SEC16A: variants seen among roughly 807,000 people sequenced by gnomAD.
SEC16A encodes SEC16 homolog A, endoplasmic reticulum export factor.
SEC16A carries 110 observed loss-of-function variants against 221.9 expected under a neutral mutation model. That is an observed-to-expected ratio of 0.50 (90% CI 0.42 to 0.58). The LOEUF (loss-of-function observed/expected upper bound fraction) is 0.58, where lower values mean the gene tolerates loss of function less well. Ranked by LOEUF, SEC16A falls within the 20% of genes least tolerant of loss-of-function variation. The pLI is 0.00. For synonymous variants in SEC16A, 1,393 were observed against 1,257.7 expected, an observed-to-expected ratio of 1.11 and a Z score of -2.28; for missense variants, 3,165 against 3,097.8, an observed-to-expected ratio of 1.02 and a Z score of -0.52.
chr9:136,477,437 T>G lies in SEC16A; in HGVS notation c.179A>C (p.Gln60Pro). Residue 60 changes from glutamine to proline, a missense_variant, in exon 3 of 32, where the codon CAG becomes CCG. This residue lies in a region of SEC16A where 2,030 missense variants were observed against 1,923.1 expected (regional missense o/e 1.06). Transcript: ENST00000684901. Reference protein sequence around the residue: ...PVTDPFAFSRQALQSTPLGSS... With the variant: ...PVTDPFAFSRPALQSTPLGSS... ...GCCCAGTGGTGTACTTTGGAGCGCC[T>G]GTCTACTAAAAGCAAATGGATCCGT... is the stretch of plus-strand genomic sequence containing the variant. 11 of 1,614,008 alleles carry G rather than the reference T, an allele frequency of 6.8e-6. No homozygotes were observed. The highest frequency in any genetic ancestry group is 8.5e-6 in the Non-Finnish European group (10 of 1,179,890).
intron 19 of SEC16A, 119 bp downstream of exon 19, chr9:136,455,934 T>C (rs1838590909): frequency 2.5e-6 from 3 of 1,182,484 alleles, no homozygotes; most frequent in Admixed American, 2.4e-5. Context: ...TAGGGAATTC[T>C]CATAGGCACA....
At chr9:136,483,792 G>C (rs1033969634), upstream of SEC16A, 1 of 985,374 alleles carries the variant, frequency 1.0e-6, no homozygotes, top group Non-Finnish European at 1.2e-6. Context: ...CTGGAGGGCA[G>C]GCGGCGGCGG....
At chr9:136,464,148 A>T (rs577532077) in intron 9 of SEC16A, among the ~76,000 whole-genome samples, 1 of 152,278 alleles carries the variant, frequency 6.6e-6, no homozygotes, top group Admixed American at 6.5e-5. Context: ...GCACCAATAA[A>T]GCAAACATCC....
intron 1 of SEC16A, among the ~76,000 whole-genome samples, chr9:136,481,989 A>G (rs1589036846): frequency 6.6e-6 from 1 of 152,212 alleles, no homozygotes; most frequent in Admixed American, 6.5e-5. Flanking sequence ...GCAAAAAAAG[A>G]CAAAGAAAAA....
chr9:136,446,463 T>G (rs1480491403), intron 28 of SEC16A, among the ~76,000 whole-genome samples: 3 of 151,892 alleles, frequency 2.0e-5, no homozygotes, highest in Non-Finnish European at 4.4e-5. Flanking sequence ...TTTTTTTTTT[T>G]GGATGAAAAT....
Position 136,453,459 on chromosome 9 carries a change from T to C in SEC16A, c.6128A>G (p.Glu2043Gly). The C allele has an allele frequency of 6.2e-7, 1 of 1,613,340 alleles. No homozygotes were observed. The highest frequency in any genetic ancestry group is 8.5e-7 in the Non-Finnish European group (1 of 1,179,312). ...PVGNSLSELS[E>G]ENFDGKFANL... ...AGCAAATTTTCCATCAAAATTTTCT[T>C]CGCTTAGCTCGGAAAGTGAGTTTCC... is the stretch of plus-strand genomic sequence containing the variant. The change falls in exon 22 of 32, where the codon GAA (glutamate) becomes GGA (glycine). Residue 2043 changes from glutamate (E) to glycine (G), a missense_variant. Physicochemically the swap from Glu to Gly is moderately conservative, Grantham distance 98. This residue lies in a region of SEC16A where 1,088 missense variants were observed against 1,089.6 expected (regional missense o/e 1.00). Transcript: ENST00000684901.
rs545923540 is a variant in SEC16A, at chr9:136,448,061, C to T, written c.6390+23G>A. ...AATCATTACAATTCTTCGGACGTCC[C>T]GTGCGTATTTGACAGCACTCACCGA... On this transcript the variant is annotated intron_variant, in intron 24 of 31. Transcript: ENST00000684901. 1.8e-4 allele frequency: 292 copies of T among 1,598,286 alleles called. 3 individuals are homozygous for T. The South Asian group carries it at 2.9e-3, about 16-fold the overall frequency.
At chr9:136,443,705 A>AT in intron 31 of SEC16A, 118 bp downstream of exon 31, 1 of 701,882 alleles carries the variant, frequency 1.4e-6, no homozygotes, top group Non-Finnish European at 2.5e-6. Flanking sequence ...AAATAAATAT[A>AT]TTTTTTAAAA....
Position 136,477,624 on chromosome 9 carries a change from C to T in SEC16A, c.-9G>A, listed in dbSNP as rs1841823068. ...TGGGGCGGTGGCTGCATGACTGAACCCTTGCACAAGTCGATGCTGCTTACA... is the reference window on the plus strand; with the variant it reads ...TGGGGCGGTGGCTGCATGACTGAACTCTTGCACAAGTCGATGCTGCTTACA... On this transcript the variant is annotated 5_prime_UTR_variant, in exon 3 of 32. Transcript: ENST00000684901. The T allele has an allele frequency of 6.3e-7, 1 of 1,594,262 alleles. No homozygotes were observed. Among genetic ancestry groups the T allele is most frequent in the Non-Finnish European group, 8.5e-7 (1 of 1,169,734 alleles).
In SEC16A at chr9:136,475,079, G is replaced by A; in HGVS notation, c.2537C>T (p.Ser846Phe). 5 of 1,613,828 alleles carry A rather than the reference G, an allele frequency of 3.1e-6. No individual in the cohort carries two copies. Among genetic ancestry groups the A allele is most frequent in the Middle Eastern group, 1.6e-4 (1 of 6,062 alleles). ...SYNLAQPINF[S>F]VSLSNSHEKN... ...CTCATGAGAGTTCGATAAGGACACA[G>A]AAAAGTTAATGGGCTGAGCCAGATT... is the stretch of plus-strand genomic sequence containing the variant. Residue 846 changes from serine to phenylalanine, a missense_variant, in exon 3 of 32, where the codon TCT (serine) becomes TTT (phenylalanine). Ser to Phe is a radical substitution (Grantham distance 155, BLOSUM62 -2). Around this residue, in one of 3 missense-constraint regions of SEC16A, gnomAD observed 2,030 missense variants for 1,923.1 expected, o/e 1.06. Transcript: ENST00000684901. The surrounding 1 kb of genome is among the most constrained non-coding windows in gnomAD (Gnocchi z 5.0).
intron 28 of SEC16A, among the ~76,000 whole-genome samples, 165 bp from the exon 29 acceptor site, chr9:136,445,884 C>T (rs1335339534): frequency 7.2e-5 from 11 of 152,202 alleles, no homozygotes; most frequent in East Asian, 3.8e-4. Flanking sequence ...TGGGTCCAGC[C>T]GCACAACCCT....
intron 1 of SEC16A, among the ~76,000 whole-genome samples, chr9:136,479,330 A>AG (rs1422619099): frequency 6.6e-6 from 1 of 152,166 alleles, no homozygotes; most frequent in Non-Finnish European, 1.5e-5. Flanking sequence ...ATTAAACCAA[A>AG]GGGGAGGACT....
intron 18 of SEC16A, 118 bp from the exon 19 acceptor site, chr9:136,456,284 G>A: frequency 2.9e-6 from 2 of 700,478 alleles, no homozygotes; most frequent in Non-Finnish European, 5.0e-6. Context: ...TTAATTAGCT[G>A]CCTATATGTT....
At position 136,476,901 on chromosome 9, in the gene SEC16A, T is replaced by A. The variant is rs992083744; in HGVS notation, c.715A>T (p.Ser239Cys). The A allele has an allele frequency of 6.2e-7, 1 of 1,611,762 alleles. No homozygotes were observed. Among genetic ancestry groups the A allele is most frequent in the Non-Finnish European group, 8.5e-7 (1 of 1,179,546 alleles). The change falls in exon 3 of 32, where the codon AGC becomes TGC. Residue 239 changes from serine (S) to cysteine (C), a missense_variant. Physicochemically the swap from Ser to Cys is moderately radical, Grantham distance 112. Around this residue, in one of 3 missense-constraint regions of SEC16A, gnomAD observed 2,030 missense variants for 1,923.1 expected, o/e 1.06. Transcript: ENST00000684901. ...RSPCPEGPVPSGVPCATSVPH... is the reference protein window; with the variant it reads ...RSPCPEGPVPCGVPCATSVPH... ...ACGCTGGTGGCACAGGGCACCCCGC[T>A]GGGAACAGGTCCTTCAGGGCAGGGT...
intron 31 of SEC16A, among the ~76,000 whole-genome samples, chr9:136,443,444 G>C (rs1836489315): frequency 6.6e-6 from 1 of 152,208 alleles, no homozygotes; most frequent in Admixed American, 6.5e-5. Context: ...CAGTGCCTTG[G>C]GAAGCCGAGG....
At chr9:136,462,130 A>T (rs747620482) in intron 12 of SEC16A, among the ~76,000 whole-genome samples, 3 of 152,090 alleles carry the variant, frequency 2.0e-5, no homozygotes, top group Non-Finnish European at 2.9e-5. Flanking sequence ...ATAAAAAAAT[A>T]AAAATACTGG....
chr9:136,483,596 C>A, upstream of SEC16A: 1 of 985,424 alleles, frequency 1.0e-6, no homozygotes, highest in Non-Finnish European at 1.2e-6. Flanking sequence ...GCTCTTTCTC[C>A]CAGTCTTTTT....
intron 29 of SEC16A, 138 bp downstream of exon 29, chr9:136,445,507 C>A (rs890307135): frequency 1.5e-6 from 1 of 689,656 alleles, no homozygotes. Flanking sequence ...CCCCCAGGAA[C>A]ACCACCTTCG....
chr9:136,452,063 G>A lies in SEC16A; in HGVS notation c.6160-655C>T, dbSNP rs543402284. Among the ~76,000 whole-genome samples the A allele has an allele frequency of 7.2e-5, 11 of 152,206 alleles. No homozygotes were observed. The South Asian group carries it at 2.1e-3, about 29-fold the overall frequency. ...TCTAATGAGATAAATCTCACTTTCAGGAAAACCAGTGACAATGTTAGAAAT... is the reference window on the plus strand; with the variant it reads ...TCTAATGAGATAAATCTCACTTTCAAGAAAACCAGTGACAATGTTAGAAAT... On this transcript the variant is annotated intron_variant, in intron 22 of 31. Transcript: ENST00000684901.
Sources: gnomAD v4.1 joint callset for allele counts (sites outside exome capture counted in the v4.1 genomes callset) on GRCh38, gnomAD v4.1.1 for gene constraint, gnomAD v4.1.1 regional missense constraint, Gnocchi (gnomAD v3.1) non-coding constraint, MANE v1.5 for transcripts, NCBI Gene and HGNC (gene_info 2026-07-23, HGNC 2026-07-21) for gene names.